Variants in FILIP1L observed in about 807,000 individuals in gnomAD.
FILIP1L encodes filamin A interacting protein 1 like.
FILIP1L carries 55 observed loss-of-function variants against 96.6 expected under a neutral mutation model. That is an observed-to-expected ratio of 0.57 (90% CI 0.46 to 0.71). The LOEUF (loss-of-function observed/expected upper bound fraction) is 0.71, where lower values mean the gene tolerates loss of function less well. Ranked by LOEUF, FILIP1L falls within the 30% of genes least tolerant of loss-of-function variation. FILIP1L has a pLI of 0.00. For missense variants in FILIP1L, 1,304 were observed against 1,321.2 expected, an observed-to-expected ratio of 0.99 and a Z score of 0.20; for synonymous variants, 467 against 473.9, an observed-to-expected ratio of 0.99 and a Z score of 0.19.
At chr3:99,831,925 G>T (rs1241271606) in intron 5 of FILIP1L, among the ~76,000 whole-genome samples, 1 of 152,160 alleles carries the variant, frequency 6.6e-6, no homozygotes, top group Non-Finnish European at 1.5e-5. Flanking sequence ...TAGCCTACCT[G>T]GGTATGCATA....
intron 1 of FILIP1L, among the ~76,000 whole-genome samples, chr3:100,102,077 A>C (rs866544537): frequency 6.6e-6 from 1 of 152,216 alleles, no homozygotes; most frequent in South Asian, 2.1e-4. Flanking sequence ...GCCACAATAA[A>C]CATACGTGTG....
Position 99,850,328 on chromosome 3 carries a change from T to C in FILIP1L, c.1348A>G (p.Lys450Glu). The change falls in exon 5 of 6, where the codon AAA (lysine) becomes GAA (glutamate). Residue 450 changes from lysine (K) to glutamate (E), a missense_variant. By Grantham distance (56) the Lys-to-Glu change is moderately conservative. Transcript: ENST00000477258. ...AACTGCTTTGTGGTCATCCTTTCTT[T>C]TTCTAAATTGCATTTCAGAGAGTAG... ...ECYSLKCNLE[K>E]ERMTTKQLSQ... 1.2e-6 allele frequency: 2 copies of C among 1,613,100 alleles called. No individual in the cohort carries two copies. Among genetic ancestry groups the C allele is most frequent in the Non-Finnish European group, 1.7e-6 (2 of 1,179,868 alleles).
At chr3:99,917,402 A>G (rs568958795) in intron 4 of FILIP1L, among the ~76,000 whole-genome samples, 1 of 152,326 alleles carries the variant, frequency 6.6e-6, no homozygotes, top group East Asian at 1.9e-4. Flanking sequence ...TTGAGTACCT[A>G]GGAATGATTC....
chr3:99,939,536 C>A (rs1466603933), intron 1 of FILIP1L, among the ~76,000 whole-genome samples: 1 of 152,134 alleles, frequency 6.6e-6, no homozygotes, highest in Non-Finnish European at 1.5e-5. Context: ...TAAAGATATG[C>A]ATGGAATTGG....
At chr3:100,001,272 T>C (rs1219377136) in intron 1 of FILIP1L, among the ~76,000 whole-genome samples, 1 of 152,242 alleles carries the variant, frequency 6.6e-6, no homozygotes, top group Non-Finnish European at 1.5e-5. Flanking sequence ...AAATAAAGTT[T>C]TATTGGAACA....
At chr3:100,080,734 T>G (rs889284807) in intron 1 of FILIP1L, among the ~76,000 whole-genome samples, 1 of 152,182 alleles carries the variant, frequency 6.6e-6, no homozygotes, top group Non-Finnish European at 1.5e-5. Flanking sequence ...ATCAGCTAAT[T>G]CTTTATTTGC....
At chr3:100,109,247 C>T (rs960527247) in intron 1 of FILIP1L, among the ~76,000 whole-genome samples, 1 of 151,984 alleles carries the variant, frequency 6.6e-6, no homozygotes, top group Non-Finnish European at 1.5e-5. Flanking sequence ...TGAAAATCTG[C>T]AAGAATTCCA....
chr3:99,955,234 G>C (rs896233926), intron 1 of FILIP1L, among the ~76,000 whole-genome samples: 6 of 152,148 alleles, frequency 3.9e-5, no homozygotes, highest in Non-Finnish European at 8.8e-5. Context: ...TAATAAAGTG[G>C]CATGCTCACA....
intron 4 of FILIP1L, among the ~76,000 whole-genome samples, chr3:99,870,125 T>C (rs1944717472): frequency 6.6e-6 from 1 of 152,220 alleles, no homozygotes; most frequent in Admixed American, 6.5e-5. Flanking sequence ...TTATTGCTCA[T>C]TATTCAATCT....
chr3:100,016,560 A>G (rs982316346), intron 1 of FILIP1L, among the ~76,000 whole-genome samples: 1 of 152,112 alleles, frequency 6.6e-6, no homozygotes, highest in South Asian at 2.1e-4. Context: ...CCTTGCTGAA[A>G]CTTCCTCCCT....
At chr3:99,936,822 G>A (rs1487311656) in intron 1 of FILIP1L, among the ~76,000 whole-genome samples, 1 of 151,964 alleles carries the variant, frequency 6.6e-6, no homozygotes, top group Non-Finnish European at 1.5e-5. Context: ...GATATACATA[G>A]TAAAGGAAAA....
intron 4 of FILIP1L, among the ~76,000 whole-genome samples, chr3:99,876,631 TG>T (rs1576541027): frequency 6.6e-6 from 1 of 152,154 alleles, no homozygotes; most frequent in East Asian, 1.9e-4. Context: ...GAGACATCTC[TG>T]GGGGTGATTT....
chr3:99,945,077 A>G (rs1323086463), intron 1 of FILIP1L, among the ~76,000 whole-genome samples: 1 of 152,140 alleles, frequency 6.6e-6, no homozygotes, highest in Non-Finnish European at 1.5e-5. Context: ...AAAAAGCATC[A>G]AGGAAAATAC....
intron 1 of FILIP1L, among the ~76,000 whole-genome samples, chr3:99,956,773 C>T (rs886388378): frequency 6.6e-6 from 1 of 152,178 alleles, no homozygotes; most frequent in African/African-American, 2.4e-5. Flanking sequence ...TATAACACGC[C>T]CAGTGGTCCC....
chr3:99,911,639 C>G (rs1706792356), intron 4 of FILIP1L, among the ~76,000 whole-genome samples: 1 of 152,182 alleles, frequency 6.6e-6, no homozygotes, highest in Non-Finnish European at 1.5e-5. Flanking sequence ...TAAGTCTACT[C>G]AGCCTTGAAG....
In FILIP1L at chr3:99,850,882, G is replaced by A. The variant is rs1354769906; in HGVS notation, c.794C>T (p.Thr265Ile). The A allele has an allele frequency of 1.9e-6, 3 of 1,614,064 alleles. No individual in the cohort carries two copies. Among genetic ancestry groups the A allele is most frequent in the African/African-American group, 2.7e-5 (2 of 74,936 alleles). ...LQRQKIQELT[T>I]NAKETHTKLA... ...TTTGGTATGTGTTTCCTTTGCATTT[G>A]TGGTCAGCTCTTGGATTTTCTGTCT... The change falls in exon 5 of 6, where the codon ACA (threonine) becomes ATA (isoleucine). Residue 265 changes from threonine (T) to isoleucine (I), a missense_variant. Thr to Ile is a moderately conservative substitution (Grantham distance 89, BLOSUM62 -1). Transcript: ENST00000477258.
chr3:100,059,535 G>T (rs2065523612), intron 1 of FILIP1L, among the ~76,000 whole-genome samples: 3 of 152,302 alleles, frequency 2.0e-5, no homozygotes. Flanking sequence ...TGAAGACAAA[G>T]TTTCTATCCT....
intron 1 of FILIP1L, among the ~76,000 whole-genome samples, chr3:100,072,841 A>G (rs1427090475): frequency 6.6e-6 from 1 of 152,076 alleles, no homozygotes; most frequent in Non-Finnish European, 1.5e-5. Flanking sequence ...ACAAGAAATA[A>G]TCCTCTCCTT....
At chr3:100,064,971 CACAT>C (rs2065639330) in intron 1 of FILIP1L, among the ~76,000 whole-genome samples, 1 of 152,184 alleles carries the variant, frequency 6.6e-6, no homozygotes, top group Non-Finnish European at 1.5e-5. Context: ...GTTAAACACA[CACAT>C]ACACATGTGT....
Sources: allele counts gnomAD v4.1 joint callset (sites outside exome capture counted in the v4.1 genomes callset), GRCh38; gene constraint gnomAD v4.1.1; transcripts MANE v1.5; gene names NCBI Gene and HGNC (gene_info 2026-07-23, HGNC 2026-07-21).